Variants in FILIP1L observed in about 807,000 individuals in gnomAD.
The protein encoded by FILIP1L is filamin A interacting protein 1 like.
A neutral mutation model predicts 96.6 loss-of-function variants in FILIP1L; 55 were observed. The observed-to-expected ratio is 0.57, with a 90% confidence interval of 0.46 to 0.71. The LOEUF (loss-of-function observed/expected upper bound fraction) is 0.71. Ranked by LOEUF, FILIP1L falls within the 30% of genes least tolerant of loss-of-function variation. The pLI is 0.00. For synonymous variants in FILIP1L, 467 were observed against 473.9 expected, an observed-to-expected ratio of 0.99 and a Z score of 0.19; for missense variants, 1,304 against 1,321.2, an observed-to-expected ratio of 0.99 and a Z score of 0.20.
At chr3:100,009,319 C>T (rs1710076044) in intron 1 of FILIP1L, among the ~76,000 whole-genome samples, 1 of 152,054 alleles carries the variant, frequency 6.6e-6, no homozygotes, top group African/African-American at 2.4e-5. Flanking sequence ...ATAAATTTCC[C>T]CATAATTTCA....
chr3:99,892,544 G>A (rs1706116891), intron 4 of FILIP1L, among the ~76,000 whole-genome samples: 1 of 152,270 alleles, frequency 6.6e-6, no homozygotes, highest in African/African-American at 2.4e-5. Context: ...TGGTTCTTGT[G>A]GCTTTGATCT....
At chr3:100,099,618 C>T (rs1409759509) in intron 1 of FILIP1L, among the ~76,000 whole-genome samples, 4 of 152,118 alleles carry the variant, frequency 2.6e-5, no homozygotes, top group Admixed American at 2.6e-4. Context: ...TTTCTGTCTT[C>T]CTAAGGTGAT....
chr3:99,932,619 A>G (rs1245502453), intron 1 of FILIP1L, among the ~76,000 whole-genome samples: 1 of 152,202 alleles, frequency 6.6e-6, no homozygotes, highest in African/African-American at 2.4e-5. Context: ...GCCAGGCACA[A>G]TGGCTCACAC....
chr3:99,895,276 C>G (rs1317481763), intron 4 of FILIP1L, among the ~76,000 whole-genome samples: 1 of 152,074 alleles, frequency 6.6e-6, no homozygotes, highest in African/African-American at 2.4e-5. Context: ...CCCATGTTCA[C>G]TGCTGGAAAA....
intron 1 of FILIP1L, among the ~76,000 whole-genome samples, chr3:100,058,018 T>G (rs1305947452): frequency 6.6e-6 from 1 of 152,250 alleles, no homozygotes; most frequent in Non-Finnish European, 1.5e-5. Flanking sequence ...TAAGTGTTTG[T>G]GTCCATTCTC....
At chr3:99,940,268 A>C (rs964163653) in intron 1 of FILIP1L, among the ~76,000 whole-genome samples, 20 of 152,228 alleles carry the variant, frequency 1.3e-4, no homozygotes, top group Non-Finnish European at 2.1e-4. Flanking sequence ...AGTTAGGTTT[A>C]AATGCATTTT....
At chr3:100,004,601 T>C (rs1262124763) in intron 1 of FILIP1L, among the ~76,000 whole-genome samples, 1 of 152,104 alleles carries the variant, frequency 6.6e-6, no homozygotes, top group Non-Finnish European at 1.5e-5. Flanking sequence ...TTAAGAAACA[T>C]CATCATCATC....
At chr3:99,946,997 C>T (rs951247726) in intron 1 of FILIP1L, among the ~76,000 whole-genome samples, 1 of 151,868 alleles carries the variant, frequency 6.6e-6, no homozygotes, top group African/African-American at 2.4e-5. Flanking sequence ...ATTAGCGGGG[C>T]GTGGTGGCAG....
chr3:99,878,466 G>C (rs1013405446), intron 4 of FILIP1L, among the ~76,000 whole-genome samples: 12 of 152,192 alleles, frequency 7.9e-5, no homozygotes, highest in African/African-American at 2.9e-4. Flanking sequence ...TACATATATA[G>C]TCTTACATAT....
chr3:99,849,900 A>G lies in FILIP1L; in HGVS notation c.1776T>C (p.Leu592=). Reference sequence around the variant, plus strand: ...CTTTCTCAATTGCTTCCAATGATTGAAGCCTATTTTTCAACATATTAACTC... The same window carrying G: ...CTTTCTCAATTGCTTCCAATGATTGGAGCCTATTTTTCAACATATTAACTC... ...LSRVNMLKNR[L]QSLEAIEKDF... The change falls in exon 5 of 6, where the codon CTT becomes CTC. Residue 592 remains leucine, a synonymous_variant. Coordinates refer to ENST00000477258, the MANE Select transcript of FILIP1L (RefSeq NM_001387850.1). 5.0e-6 allele frequency: 8 copies of G among 1,612,010 alleles called. No homozygotes were observed. Among genetic ancestry groups the G allele is most frequent in the Non-Finnish European group, 6.8e-6 (8 of 1,179,666 alleles).
chr3:99,886,322 G>A (rs1705895771), intron 4 of FILIP1L, among the ~76,000 whole-genome samples: 1 of 150,682 alleles, frequency 6.6e-6, no homozygotes, highest in African/African-American at 2.5e-5. Flanking sequence ...AAGCAGGGAT[G>A]TCCAATCTTT....
intron 1 of FILIP1L, among the ~76,000 whole-genome samples, chr3:99,966,425 T>G (rs913973397): frequency 4.6e-5 from 7 of 152,304 alleles, no homozygotes; most frequent in Middle Eastern, 6.8e-3. Flanking sequence ...TATATAGTTT[T>G]AGAGGTTAGA....
chr3:99,931,695 T>C (rs1158788704), intron 1 of FILIP1L, among the ~76,000 whole-genome samples: 1 of 152,218 alleles, frequency 6.6e-6, no homozygotes, highest in Non-Finnish European at 1.5e-5. Flanking sequence ...AGGGCTTATA[T>C]TTAGGACCCT....
At position 99,930,806 on chromosome 3, in the gene FILIP1L, A is replaced by G. The variant is rs371186471; in HGVS notation, c.215T>C (p.Leu72Pro). The change falls in exon 2 of 6, where the codon CTG becomes CCG. Residue 72 changes from leucine to proline, a missense_variant. Physicochemically the swap from Leu to Pro is moderately conservative, Grantham distance 98 (BLOSUM62 -3). Coordinates refer to ENST00000477258, the MANE Select transcript of FILIP1L (RefSeq NM_001387850.1). ...HQAEDLSRDDLLFLLSILEGE... is the reference protein window; with the variant it reads ...HQAEDLSRDDPLFLLSILEGE... ...CTCCAGAATGCTGAGGAGAAATAACAGGTCATCTCTTGAGAGGTCTTCTGC... is the reference window on the plus strand; with the variant it reads ...CTCCAGAATGCTGAGGAGAAATAACGGGTCATCTCTTGAGAGGTCTTCTGC... 19 of 1,612,880 alleles carry G rather than the reference A, an allele frequency of 1.2e-5. No homozygotes were observed. The African/African-American group carries it at 1.9e-4, about 16-fold the overall frequency.
chr3:100,023,095 A>G (rs1291323433), intron 1 of FILIP1L, among the ~76,000 whole-genome samples: 2 of 152,212 alleles, frequency 1.3e-5, no homozygotes, highest in Non-Finnish European at 2.9e-5. Context: ...TCAGTAGTAA[A>G]GAGATGGTGC....
intron 1 of FILIP1L, among the ~76,000 whole-genome samples, chr3:100,042,185 A>G (rs1208741611): frequency 2.0e-5 from 3 of 152,246 alleles, no homozygotes; most frequent in African/African-American, 7.2e-5. Context: ...GTGGCAGTAG[A>G]TGAAAACAAT....
At chr3:99,950,375 T>C (rs1708139670) in intron 1 of FILIP1L, among the ~76,000 whole-genome samples, 2 of 152,214 alleles carry the variant, frequency 1.3e-5, no homozygotes, top group African/African-American at 4.8e-5. Context: ...TTCTTATTTC[T>C]ATGGGTAGGG....
chr3:99,924,509 T>C (rs1321104856), intron 3 of FILIP1L, 101 bp from the exon 4 acceptor site: 24 of 1,209,086 alleles, frequency 2.0e-5, no homozygotes, highest in Non-Finnish European at 2.8e-5. Flanking sequence ...CGGCAGTGGG[T>C]TTTTTTGGTT....
chr3:100,105,229 A>T (rs1243726376), intron 1 of FILIP1L, among the ~76,000 whole-genome samples: 2 of 152,206 alleles, frequency 1.3e-5, no homozygotes, highest in African/African-American at 4.8e-5. Flanking sequence ...TTCTCCTACC[A>T]GAGCTTAAAG....
Sources: allele counts gnomAD v4.1 joint callset (sites outside exome capture counted in the v4.1 genomes callset), GRCh38; gene constraint gnomAD v4.1.1; transcripts MANE v1.5; gene names NCBI Gene and HGNC (gene_info 2026-07-23, HGNC 2026-07-21).